The following CEP170B variants were observed in gnomAD, a reference collection of about 807,000 sequenced individuals.
CEP170B encodes the protein centrosomal protein 170B, also known as centrosomal protein of 170 kDa protein B.
In CEP170B, 55 loss-of-function variants were observed where a neutral mutation model predicts 120.6. The observed-to-expected ratio is 0.46, with a 90% CI of 0.37 to 0.57. The LOEUF is 0.57. Among genes scored for constraint, CEP170B ranks in the 20% least tolerant of loss-of-function variants. CEP170B has a pLI of 0.00. For synonymous variants in CEP170B, 1,033 were observed against 954.5 expected, an observed-to-expected ratio of 1.08 and a Z score of -1.52; for missense variants, 2,212 against 2,253.3, an observed-to-expected ratio of 0.98 and a Z score of 0.37.
chr14:104,873,630 C>T (rs1378262684), intron 2 of CEP170B, among the ~76,000 whole-genome samples: 1 of 151,974 alleles, frequency 6.6e-6, no homozygotes, highest in African/African-American at 2.4e-5. Context: ...CCAGCAGGAG[C>T]TCTCGAGGCC....
rs1311623085 is a variant in CEP170B at position 104,883,005 on chromosome 14, G to T, written c.578-30G>T. On this transcript the variant is annotated intron_variant, in intron 7 of 18. Transcript: ENST00000414716. Reference sequence around the variant, plus strand: ...GGTGGTGGCAGGTGGTTACCCTGAGGCCCGGTCTGAAGACATCTTCCCACA... The same window carrying T: ...GGTGGTGGCAGGTGGTTACCCTGAGTCCCGGTCTGAAGACATCTTCCCACA... The T allele has an allele frequency of 2.0e-6, 3 of 1,482,414 alleles. No homozygotes were observed. In the African/African-American group the frequency reaches 4.2e-5, roughly 21 times the overall value. 91.8% of individuals were successfully genotyped at this position (1,482,414 alleles called of 1,614,324 possible).
Position 104,868,635 on chromosome 14 carries a change from A to G in CEP170B, c.105+80A>G. On this transcript the variant is annotated intron_variant, in intron 2 of 18. Coordinates refer to ENST00000414716, the MANE Select transcript of CEP170B (RefSeq NM_001112726.3). This position sits in a 1 kb window ranked among gnomAD's most constrained non-coding sequence, Gnocchi z 5.9. Reference sequence around the variant, plus strand: ...TGGAGGCCAGGAAGGTGCCCACCCCACTTGCTGCAGGCCACCCTGGCGAGG... The same window carrying G: ...TGGAGGCCAGGAAGGTGCCCACCCCGCTTGCTGCAGGCCACCCTGGCGAGG... 1 of 1,355,598 alleles carries G rather than the reference A, an allele frequency of 7.4e-7. No homozygotes were observed. The highest frequency in any genetic ancestry group is 1.0e-6 in the Non-Finnish European group (1 of 994,518). 84.0% of individuals were successfully genotyped at this position (1,355,598 alleles called of 1,614,324 possible). A position where few individuals can be genotyped will look rare whatever the true frequency, so the allele number is the denominator to read the frequency against.
At chr14:104,879,900 C>T (rs2140671869) in intron 5 of CEP170B, among the ~76,000 whole-genome samples, 1 of 152,270 alleles carries the variant, frequency 6.6e-6, no homozygotes, top group South Asian at 2.1e-4. Flanking sequence ...TTAGCCCGTT[C>T]CTCGGATGAT....
Position 104,878,434 on chromosome 14 carries a change from C to T in CEP170B, c.275-9C>T, listed in dbSNP as rs184504308. ...CTTCTGCTCTGTGTTCGCCTTAACA[C>T]GTGTCCACATTCCAACATGTATGTG... is the stretch of plus-strand genomic sequence containing the variant. On this transcript the variant is annotated splice_polypyrimidine_tract_variant and intron_variant, in intron 4 of 18. Coordinates refer to ENST00000414716, the MANE Select transcript of CEP170B (RefSeq NM_001112726.3). 8 of 1,612,508 alleles carry T rather than the reference C, an allele frequency of 5.0e-6. No individual in the cohort carries two copies. The highest frequency in any genetic ancestry group is 1.7e-5 in the Admixed American group (1 of 60,010).
At chr14:104,889,450 C>G (rs974656555) in intron 12 of CEP170B, 170 bp from the exon 13 acceptor site, 6 of 1,479,318 alleles carry the variant, frequency 4.1e-6, no homozygotes, top group East Asian at 2.5e-5. Flanking sequence ...GACCCTGGGA[C>G]TGCCACAGGG....
In CEP170B at chr14:104,893,103, A is replaced by G; in HGVS notation, c.4006A>G (p.Thr1336Ala). The G allele has an allele frequency of 6.3e-7, 1 of 1,580,866 alleles. No homozygotes were observed. Among genetic ancestry groups the G allele is most frequent in the Non-Finnish European group, 8.6e-7 (1 of 1,166,970 alleles). The change falls in exon 14 of 19, where the codon ACC becomes GCC. Residue 1336 changes from threonine to alanine, a missense_variant. Transcript: ENST00000414716. ...CGCCTCCCTCAGCAACATGCCCAGC[A>G]CCCCCGCCTCGACCATCTCTGCCCG... Reference protein sequence around the residue: ...HSASLSNMPSTPASTISAREE... With the variant: ...HSASLSNMPSAPASTISAREE...
In CEP170B at chr14:104,893,782, C is replaced by T. The variant is rs1896964119; in HGVS notation, c.4204C>T (p.Leu1402=). The T allele has an allele frequency of 6.2e-7, 1 of 1,611,738 alleles. No homozygotes were observed. The highest frequency in any genetic ancestry group is 2.2e-5 in the East Asian group (1 of 44,846). ...REEVIFDNLM[L]NPVSQLSQAI... ...GCAGGTGATCTTCGATAACCTGATG[C>T]TGAACCCGGTGTCCCAGCTGTCGCA... Residue 1402 remains leucine (L), a synonymous_variant, in exon 16 of 19, where the codon CTG becomes TTG. Coordinates refer to ENST00000414716, the MANE Select transcript of CEP170B (RefSeq NM_001112726.3).
intron 13 of CEP170B, among the ~76,000 whole-genome samples, chr14:104,892,142 C>T (rs1896879317): frequency 6.6e-6 from 1 of 152,062 alleles, no homozygotes; most frequent in South Asian, 2.1e-4. Flanking sequence ...TGACAGGGAG[C>T]CTAGGTCCCC....
At chr14:104,879,270 A>G (rs990153595) in intron 5 of CEP170B, among the ~76,000 whole-genome samples, 1 of 151,968 alleles carries the variant, frequency 6.6e-6, no homozygotes, top group African/African-American at 2.4e-5. Context: ...TCTACGTGTT[A>G]GAGGATTTGG....
chr14:104,893,221 C>T (rs1431516722), intron 14 of CEP170B, 86 bp downstream of exon 14: 71 of 1,407,946 alleles, frequency 5.0e-5, no homozygotes, highest in Admixed American at 3.7e-4. Flanking sequence ...TTGCATGCCT[C>T]GGCTGAGGCC....
At chr14:104,878,612 C>A in intron 5 of CEP170B, 111 bp downstream of exon 5, 4 of 1,225,914 alleles carry the variant, frequency 3.3e-6, no homozygotes, top group South Asian at 1.3e-5. Context: ...GCCTCTGGGG[C>A]GCCCTGTTCA....
At position 104,868,373 on chromosome 14, in the gene CEP170B, G is replaced by A. The variant is rs1451363388; in HGVS notation, c.-27-51G>A. On this transcript the variant is annotated intron_variant, in intron 1 of 18. Coordinates refer to ENST00000414716, the MANE Select transcript of CEP170B (RefSeq NM_001112726.3). The surrounding 1 kb of genome is among the most constrained non-coding windows in gnomAD (Gnocchi z 5.9). ...GGCTGGGCCTTGGATGTGTCCAGGG[G>A]GCTAAGAACCAGGCCAGGGAGCCCC... 16 of 1,316,648 alleles carry A rather than the reference G, an allele frequency of 1.2e-5. No individual in the cohort carries two copies. Among genetic ancestry groups the A allele is most frequent in the Non-Finnish European group, 1.7e-5 (16 of 948,058 alleles). The allele number at this position is 1,316,648 out of a possible 1,614,324, so 81.6% of individuals were successfully genotyped here.
rs757337141 is a variant in CEP170B, at chr14:104,886,332, G to A, written c.2093G>A (p.Arg698Gln). ...GAGGGGTCCCTGCCTGTGCGCATGC[G>A]GCGACGGCTCCCTCAGCTGCCCAGT... ...EPEGSLPVRM[R>Q]RRLPQLPSER... Residue 698 changes from arginine to glutamine, a missense_variant, in exon 12 of 19, where the codon CGG (arginine) becomes CAG (glutamine). Transcript: ENST00000414716. The A allele has an allele frequency of 8.3e-6, 13 of 1,559,356 alleles. No homozygotes were observed. Among genetic ancestry groups the A allele is most frequent in the Non-Finnish European group, 1.1e-5 (13 of 1,156,260 alleles).
intron 13 of CEP170B, among the ~76,000 whole-genome samples, chr14:104,890,712 GGATGAGT>G: frequency 1.6e-5 from 1 of 63,074 alleles, no homozygotes. Flanking sequence ...ATGGATGGAT[GGATGAGT>G]GGTGGGTGGA....
At chr14:104,893,440 G>T (rs1052944054) in intron 14 of CEP170B, 83 bp from the exon 15 acceptor site, 12 of 1,488,844 alleles carry the variant, frequency 8.1e-6, no homozygotes, top group African/African-American at 1.4e-5. Flanking sequence ...CTGTCCACCT[G>T]CCGGGCCGGA....
At chr14:104,864,689 G>C (rs113549484), upstream of CEP170B, among the ~76,000 whole-genome samples, 20 of 151,800 alleles carry the variant, frequency 1.3e-4, no homozygotes, top group African/African-American at 4.8e-4. This position sits in a 1 kb window ranked among gnomAD's most constrained non-coding sequence, Gnocchi z 5.9. Context: ...CAGAGCGCCC[G>C]GGGTCAGAGG....
Position 104,886,063 on chromosome 14 carries a change from T to G in CEP170B, c.1968T>G (p.Pro656=). ...AGGGCCTCCCGGTGCCGGGCTCCCC[T>G]GGGGGTCAGAAGTGGGTGTCCCGCT... ...EHQGLPVPGS[P]GGQKWVSRWA... Residue 656 remains proline (P), a synonymous_variant, in exon 11 of 19, where the codon CCT becomes CCG. Transcript: ENST00000414716. 1 of 1,544,832 alleles carries G rather than the reference T, an allele frequency of 6.5e-7. No individual in the cohort carries two copies. The highest frequency in any genetic ancestry group is 8.7e-7 in the Non-Finnish European group (1 of 1,144,150).
chr14:104,893,176 C>G, intron 14 of CEP170B, 41 bp downstream of exon 14: 3 of 1,585,226 alleles, frequency 1.9e-6, no homozygotes, highest in Non-Finnish European at 2.6e-6. Flanking sequence ...CCAGAGCCAC[C>G]CTCGAGGAGG....
Position 104,895,026 on chromosome 14 carries a change from G to A in CEP170B, c.*68G>A, listed in dbSNP as rs921275565. 1.6e-5 allele frequency: 23 copies of A among 1,440,610 alleles called. No individual in the cohort carries two copies. The highest frequency in any genetic ancestry group is 1.1e-4 in the African/African-American group (8 of 69,790). 89.2% of individuals were successfully genotyped at this position (1,440,610 alleles called of 1,614,324 possible). A position where few individuals can be genotyped will look rare whatever the true frequency, so the allele number is the denominator to read the frequency against. The stretch of plus-strand genomic sequence containing the variant: ...TCTGCCTTCCGTCCGCCGCACACCC[G>A]CCTGCCTGGCCGCAGGTGGTTCTCC... On this transcript the variant is annotated 3_prime_UTR_variant, in exon 19 of 19. Transcript: ENST00000414716.
Sources: allele counts gnomAD v4.1 joint callset (sites outside exome capture counted in the v4.1 genomes callset), GRCh38; gene constraint gnomAD v4.1.1; non-coding constraint Gnocchi (gnomAD v3.1); transcripts MANE v1.5; gene names NCBI Gene and HGNC (gene_info 2026-07-23, HGNC 2026-07-21).